USP25: variants seen among roughly 807,000 people sequenced by gnomAD.
USP25 encodes the protein ubiquitin carboxyl-terminal hydrolase 25.
A neutral mutation model predicts 158.5 loss-of-function variants in USP25; 85 were observed. The ratio of observed to expected loss-of-function variants is 0.54; its 90% confidence interval spans 0.45 to 0.64. USP25 has a LOEUF of 0.64. Ranked by LOEUF, USP25 falls within the 30% of genes least tolerant of loss-of-function variation. The pLI, the probability that USP25 is intolerant of heterozygous loss-of-function variation, is 0.00. For synonymous variants in USP25, 464 were observed against 460.4 expected, an observed-to-expected ratio of 1.01 and a Z score of -0.10; for missense variants, 1,242 against 1,327.3, an observed-to-expected ratio of 0.94 and a Z score of 1.00.
chr21:15,824,292 C>A, intron 11 of USP25, 126 bp downstream of exon 11: 1 of 1,079,666 alleles, frequency 9.3e-7, no homozygotes, highest in Non-Finnish European at 1.3e-6. Context: ...ATACCTAATA[C>A]CATTTGTCAA....
chr21:15,814,418 C>T lies in USP25; in HGVS notation c.931+3208C>T, dbSNP rs183100547. The stretch of plus-strand genomic sequence containing the variant: ...AGCAACTTTGGAGATAGGTAACAGG[C>T]AGAGGTTGGAACAGTTTGAAGGGCT... On this transcript the variant is annotated intron_variant, in intron 9 of 25. Coordinates refer to ENST00000400183, the MANE Select transcript of USP25 (RefSeq NM_001283041.3). 1.5e-4 allele frequency among the ~76,000 whole-genome samples: 23 copies of T among 152,052 alleles called. No individual in the cohort carries two copies. The East Asian group carries it at 4.3e-3, about 29-fold the overall frequency.
intron 22 of USP25, among the ~76,000 whole-genome samples, chr21:15,867,225 T>A (rs1014088053): frequency 3.9e-5 from 6 of 152,138 alleles, no homozygotes; most frequent in East Asian, 1.9e-4. Context: ...GTCTTTTTTT[T>A]AATTTATAAG....
chr21:15,800,398 A>G (rs2036073490), intron 6 of USP25, among the ~76,000 whole-genome samples: 1 of 151,292 alleles, frequency 6.6e-6, no homozygotes, highest in South Asian at 2.1e-4. Flanking sequence ...CTATCTGTAA[A>G]TCATATATAA....
intron 14 of USP25, among the ~76,000 whole-genome samples, chr21:15,828,100 A>T (rs1046558464): frequency 1.3e-5 from 2 of 152,198 alleles, no homozygotes; most frequent in Non-Finnish European, 2.9e-5. Context: ...GTTGGATATT[A>T]TATGACCAAC....
At chr21:15,854,824 G>A (rs2039058458) in intron 20 of USP25, among the ~76,000 whole-genome samples, 1 of 152,022 alleles carries the variant, frequency 6.6e-6, no homozygotes, top group African/African-American at 2.4e-5. Context: ...AAGTTAATAG[G>A]CAAAGTTGAT....
At chr21:15,855,670 A>G (rs909272515) in intron 20 of USP25, among the ~76,000 whole-genome samples, 6 of 152,172 alleles carry the variant, frequency 3.9e-5, no homozygotes, top group African/African-American at 9.7e-5. Context: ...ACATCTTTCA[A>G]GTCAGTTACA....
chr21:15,730,329 A>G lies in USP25; in HGVS notation c.-65A>G. Reference sequence around the variant, plus strand: ...TGGAGCTCGGCGGAGCGCGGCAGCCAGGGCCGGCGGAGGCGCGAGGAGCCG... The same window carrying G: ...TGGAGCTCGGCGGAGCGCGGCAGCCGGGGCCGGCGGAGGCGCGAGGAGCCG... On this transcript the variant is annotated 5_prime_UTR_variant, in exon 1 of 26. Coordinates refer to ENST00000400183, the MANE Select transcript of USP25 (RefSeq NM_001283041.3). The G allele has an allele frequency of 9.3e-7, 1 of 1,072,586 alleles. No individual in the cohort carries two copies. The highest frequency in any genetic ancestry group is 1.1e-6 in the Non-Finnish European group (1 of 887,770). 66.4% of individuals were successfully genotyped at this position (1,072,586 alleles called of 1,614,324 possible). A position where few individuals can be genotyped will look rare whatever the true frequency, so the allele number is the denominator to read the frequency against.
intron 21 of USP25, among the ~76,000 whole-genome samples, chr21:15,865,015 GCAGA>G (rs1354114036): frequency 1.3e-5 from 2 of 151,882 alleles, no homozygotes; most frequent in Non-Finnish European, 2.9e-5. Flanking sequence ...TTAGATTCAC[GCAGA>G]CATATTTTCT....
intron 5 of USP25, among the ~76,000 whole-genome samples, chr21:15,792,911 T>G (rs562662044): frequency 1.3e-5 from 2 of 151,662 alleles, no homozygotes; most frequent in South Asian, 4.1e-4. Flanking sequence ...GTATCTTTGC[T>G]TCTAGCCTTG....
intron 22 of USP25, among the ~76,000 whole-genome samples, chr21:15,866,615 G>T (rs1378123389): frequency 6.6e-6 from 1 of 152,006 alleles, no homozygotes; most frequent in Non-Finnish European, 1.5e-5. Flanking sequence ...CTTTTTAAAT[G>T]AACTTTTCTA....
intron 20 of USP25, among the ~76,000 whole-genome samples, chr21:15,857,503 TC>T (rs574822914): frequency 2.2e-3 from 337 of 152,264 alleles, no homozygotes; most frequent in African/African-American, 7.7e-3. Context: ...ATTTCTTTGA[TC>T]TTTGTGAGGG....
At chr21:15,757,317 C>G (rs558304633) in intron 1 of USP25, among the ~76,000 whole-genome samples, 1 of 151,876 alleles carries the variant, frequency 6.6e-6, no homozygotes. Context: ...TTTTTGTTTT[C>G]TTTTCCACCT....
rs555066425 is a variant in USP25, at chr21:15,872,026, T to G, written c.2885+1879T>G. ...AGAAAGAAATACTGTTTTTTTTTTT[T>G]TTTTTTTTTTTTTTACTTTAAATCT... is the stretch of plus-strand genomic sequence containing the variant. On this transcript the variant is annotated intron_variant, in intron 23 of 25. Coordinates refer to ENST00000400183, the MANE Select transcript of USP25 (RefSeq NM_001283041.3). Among the ~76,000 whole-genome samples, 46 of 147,560 alleles carry G rather than the reference T, an allele frequency of 3.1e-4. No homozygotes were observed. In the South Asian group the frequency reaches 4.6e-3, roughly 15 times the overall value.
intron 3 of USP25, among the ~76,000 whole-genome samples, chr21:15,767,877 G>T (rs181240687): frequency 8.5e-5 from 13 of 152,154 alleles, no homozygotes; most frequent in African/African-American, 2.9e-4. Flanking sequence ...GAAGATATTT[G>T]CTGTGCAAAG....
intron 17 of USP25, among the ~76,000 whole-genome samples, chr21:15,837,545 G>A (rs1448718842): frequency 1.3e-5 from 2 of 152,220 alleles, no homozygotes; most frequent in African/African-American, 4.8e-5. Flanking sequence ...GAGATCTTCA[G>A]ATAATTCTGA....
At position 15,875,040 on chromosome 21, in the gene USP25, T is replaced by C. The variant is rs997057792; in HGVS notation, c.3009+514T>C. Among the ~76,000 whole-genome samples the C allele has an allele frequency of 3.3e-5, 5 of 152,036 alleles. 1 individual carries two copies. The highest frequency in any genetic ancestry group is 7.2e-5 in the African/African-American group (3 of 41,394). On this transcript the variant is annotated intron_variant, in intron 24 of 25. Transcript: ENST00000400183. The surrounding 1 kb of genome is among the most constrained non-coding windows in gnomAD (Gnocchi z 4.7). ...CACAAAAATTAGCTGGATATGGTGGTGTGCGCCTGTAGTCTCAACTACTCA... is the reference window on the plus strand; with the variant it reads ...CACAAAAATTAGCTGGATATGGTGGCGTGCGCCTGTAGTCTCAACTACTCA...
rs1204248153 is a variant in USP25, at chr21:15,832,733, A to AT, written c.1994-615_1994-614insT. ...CTGTTAGAGTAGCAAAGAAAAAAAA[A>AT]AATGGCCGGGCGCGGTGGCTTATGC... On this transcript the variant is annotated intron_variant, in intron 16 of 25. Coordinates refer to ENST00000400183, the MANE Select transcript of USP25 (RefSeq NM_001283041.3). 2.6e-5 allele frequency among the ~76,000 whole-genome samples: 4 copies of AT among 152,218 alleles called. No homozygotes were observed. The South Asian group carries it at 6.2e-4, about 24-fold the overall frequency.
At chr21:15,745,939 C>T (rs1054365485) in intron 1 of USP25, among the ~76,000 whole-genome samples, 1 of 152,106 alleles carries the variant, frequency 6.6e-6, no homozygotes, top group Non-Finnish European at 1.5e-5. Flanking sequence ...GAATCTAGTC[C>T]CAGCACCTAC....
At chr21:15,797,831 GAGA>G (rs1364272323) in intron 5 of USP25, among the ~76,000 whole-genome samples, 1 of 151,188 alleles carries the variant, frequency 6.6e-6, no homozygotes, top group Non-Finnish European at 1.5e-5. Context: ...TACTGAGAGA[GAGA>G]AGGAGAGGGA....
Sources: gnomAD v4.1 joint callset for allele counts (sites outside exome capture counted in the v4.1 genomes callset) on GRCh38, gnomAD v4.1.1 for gene constraint, Gnocchi (gnomAD v3.1) non-coding constraint, MANE v1.5 for transcripts, NCBI Gene and HGNC (gene_info 2026-07-23, HGNC 2026-07-21) for gene names.